The following SETBP1 variants were observed in gnomAD, a reference collection of about 807,000 sequenced individuals.
SETBP1 encodes SET-binding protein.
In SETBP1, 9 loss-of-function variants were observed where a neutral mutation model predicts 101.0. The ratio of observed to expected loss-of-function variants is 0.09; its 90% CI spans 0.05 to 0.16. The LOEUF is 0.16. Ranked by LOEUF, SETBP1 falls within the 10% of genes least tolerant of loss-of-function variation. The pLI, the probability that SETBP1 is intolerant of heterozygous loss-of-function variation, is 1.00. For missense variants in SETBP1, 1,858 were observed against 2,033.8 expected, an observed-to-expected ratio of 0.91 and a Z score of 1.66; for synonymous variants, 818 against 788.5, an observed-to-expected ratio of 1.04 and a Z score of -0.63.
chr18:44,869,616 T>C, intron 3 of SETBP1: 1 of 361,708 alleles, frequency 2.8e-6, no homozygotes, highest in South Asian at 2.2e-5. Context: ...GGGTTTGGGG[T>C]TCTCCCCTGC....
At position 45,014,338 on chromosome 18, in the gene SETBP1, C is replaced by T. The variant is rs2072900158; in HGVS notation, c.4001-24147C>T. The stretch of plus-strand genomic sequence containing the variant: ...CTTCCTCTAGCTCTGACCTGCCACC[C>T]TGCAGGAAAGAAGCAAAGGAGGAGG... On this transcript the variant is annotated intron_variant, in intron 4 of 5. Transcript: ENST00000649279. Among the ~76,000 whole-genome samples, 14 of 152,298 alleles carry T rather than the reference C, an allele frequency of 9.2e-5. No individual in the cohort carries two copies. In the South Asian group the frequency reaches 2.9e-3, roughly 32 times the overall value.
chr18:44,698,660 C>T (rs755724405), intron 1 of SETBP1, among the ~76,000 whole-genome samples: 1 of 152,204 alleles, frequency 6.6e-6, no homozygotes, highest in Non-Finnish European at 1.5e-5. Context: ...AGTTTCCTAG[C>T]TACCTACACC....
intron 2 of SETBP1, among the ~76,000 whole-genome samples, chr18:44,832,357 C>T (rs532831855): frequency 1.3e-5 from 2 of 152,330 alleles, no homozygotes; most frequent in Admixed American, 6.5e-5. Flanking sequence ...GGTTCTGACT[C>T]TGAAGACCTG....
chr18:44,947,445 C>A (rs1318426479), intron 3 of SETBP1, among the ~76,000 whole-genome samples: 1 of 149,794 alleles, frequency 6.7e-6, no homozygotes, highest in African/African-American at 2.5e-5. Flanking sequence ...AAGGCCACTG[C>A]AAGTCCTGTT....
At chr18:44,973,248 G>GC (rs1342168808) in intron 4 of SETBP1, among the ~76,000 whole-genome samples, 2 of 152,190 alleles carry the variant, frequency 1.3e-5, no homozygotes, top group African/African-American at 2.4e-5. Flanking sequence ...TGGTGGATAA[G>GC]CTTTTTGATG....
rs150083137 is a variant in SETBP1 at position 44,856,877 on chromosome 18, G to A, written c.487-12353G>A. 1.8e-3 allele frequency among the ~76,000 whole-genome samples: 279 copies of A among 152,316 alleles called. 1 individual carries two copies. The highest frequency in any genetic ancestry group is 6.5e-3 in the African/African-American group (271 of 41,568). On this transcript the variant is annotated intron_variant, in intron 2 of 5. Transcript: ENST00000649279. Reference sequence around the variant, plus strand: ...AGTTGGTATTCTTTTCCACTTTCTTGATGTTCTTCTTTCCTGGAGCCACCC... The same window carrying A: ...AGTTGGTATTCTTTTCCACTTTCTTAATGTTCTTCTTTCCTGGAGCCACCC...
rs139168740 is a variant in SETBP1 at position 44,735,385 on chromosome 18, G to A, written c.486+33553G>A. 6.6e-4 allele frequency among the ~76,000 whole-genome samples: 101 copies of A among 152,322 alleles called. 2 individuals carry two copies. The East Asian group carries it at 9.1e-3, about 14-fold the overall frequency. On this transcript the variant is annotated intron_variant, in intron 2 of 5. Transcript: ENST00000649279. ...ACAACTAAGGTTGCATCAATTGCTT[G>A]TAGTTAGAGATCTGAACCAGATGAT...
At chr18:44,908,068 A>T (rs1218687214) in intron 3 of SETBP1, among the ~76,000 whole-genome samples, 29 of 148,402 alleles carry the variant, frequency 2.0e-4, no homozygotes, top group Admixed American at 1.1e-3. Context: ...TTTATTTTTT[A>T]TTTTTTTTTT....
Position 45,064,763 on chromosome 18 carries a change from C to A in SETBP1, c.*1065C>A. The A allele has an allele frequency of 6.8e-6, 1 of 146,654 alleles. No homozygotes were observed. The allele number at this position is 146,654 out of a possible 1,614,324, so 9.1% of individuals were successfully genotyped here. On this transcript the variant is annotated 3_prime_UTR_variant, in exon 6 of 6. Coordinates refer to ENST00000649279, the MANE Select transcript of SETBP1 (RefSeq NM_015559.3). ...CAGAAAGACAAGTGTCTAGCAATGC[C>A]TTGGTACCTGATCTTTTTCATTCAA...
At chr18:44,873,301 T>G (rs542280297) in intron 3 of SETBP1, among the ~76,000 whole-genome samples, 2 of 152,336 alleles carry the variant, frequency 1.3e-5, no homozygotes, top group South Asian at 4.1e-4. Flanking sequence ...CTAATGTCTT[T>G]GATCTTGATT....
At chr18:44,805,477 AC>A (rs1435805287) in intron 2 of SETBP1, among the ~76,000 whole-genome samples, 6 of 151,706 alleles carry the variant, frequency 4.0e-5, no homozygotes, top group African/African-American at 1.5e-4. Flanking sequence ...CCGTCTCAAA[AC>A]CTACCAGTTA....
intron 3 of SETBP1, among the ~76,000 whole-genome samples, 196 bp from the exon 4 acceptor site, chr18:44,949,685 G>A (rs1418498813): frequency 1.3e-5 from 2 of 152,188 alleles, no homozygotes; most frequent in Non-Finnish European, 2.9e-5. Context: ...CAAAACCAGT[G>A]CAATACATCT....
At chr18:44,904,658 G>T (rs118133920) in intron 3 of SETBP1, among the ~76,000 whole-genome samples, 128 of 152,154 alleles carry the variant, frequency 8.4e-4, no homozygotes, top group Non-Finnish European at 1.5e-3. Flanking sequence ...TCTGTGGTTA[G>T]GGTAGGCTAG....
intron 2 of SETBP1, among the ~76,000 whole-genome samples, chr18:44,815,779 A>G (rs936359096): frequency 2.0e-5 from 3 of 152,200 alleles, no homozygotes; most frequent in African/African-American, 7.2e-5. Context: ...GCAGATGAGG[A>G]AACTGAGACT....
chr18:44,793,558 G>A (rs981533686), intron 2 of SETBP1, among the ~76,000 whole-genome samples: 2 of 152,184 alleles, frequency 1.3e-5, no homozygotes, highest in African/African-American at 4.8e-5. Flanking sequence ...TGGGTGGTGG[G>A]GACCCCCTGT....
chr18:45,061,947 A>G (rs1197851336), intron 5 of SETBP1, among the ~76,000 whole-genome samples: 1 of 152,212 alleles, frequency 6.6e-6, no homozygotes, highest in Non-Finnish European at 1.5e-5. Context: ...CACACTTCTT[A>G]TGTTTATAAA....
chr18:44,768,388 A>ATGTG (rs148805746), intron 2 of SETBP1, among the ~76,000 whole-genome samples: 1 of 151,542 alleles, frequency 6.6e-6, no homozygotes, highest in Non-Finnish European at 1.5e-5. Flanking sequence ...ATGTGTGTGT[A>ATGTG]TGTGTGTGTG....
At chr18:44,695,317 CCAAAAGGCT>C (rs1385372827) in intron 1 of SETBP1, among the ~76,000 whole-genome samples, 1 of 152,132 alleles carries the variant, frequency 6.6e-6, no homozygotes, top group Non-Finnish European at 1.5e-5. Context: ...ATCTACAGAT[CCAAAAGGCT>C]CATTATGTTC....
rs141677136 is a variant in SETBP1, at chr18:44,884,893, A to G, written c.540+15610A>G. ...TACAAACATAAAATATGCATCTCTT[A>G]TTACATATGTCTGATTACTACGGTA... On this transcript the variant is annotated intron_variant, in intron 3 of 5. Transcript: ENST00000649279. Among the ~76,000 whole-genome samples, 918 of 152,318 alleles carry G rather than the reference A, an allele frequency of 6.0e-3. 6 individuals carry two copies. Among genetic ancestry groups the G allele is most frequent in the African/African-American group, 0.021 (854 of 41,574 alleles).
Sources: gnomAD v4.1 joint callset for allele counts (sites outside exome capture counted in the v4.1 genomes callset) on GRCh38, gnomAD v4.1.1 for gene constraint, MANE v1.5 for transcripts, NCBI Gene and HGNC (gene_info 2026-07-23, HGNC 2026-07-21) for gene names.